Variants in AMPH observed in about 807,000 individuals in gnomAD.
AMPH encodes the protein amphiphysin.
AMPH carries 49 observed loss-of-function variants against 99.1 expected under a neutral mutation model. That is an observed-to-expected ratio of 0.49 (90% CI 0.39 to 0.63). The LOEUF (loss-of-function observed/expected upper bound fraction) is 0.63, where lower values mean the gene tolerates loss of function less well. Ranked by LOEUF, AMPH falls within the 20% of genes least tolerant of loss-of-function variation. The pLI, the probability that AMPH is intolerant of heterozygous loss-of-function variation, is 0.00. For synonymous variants in AMPH, 314 were observed against 317.3 expected, an observed-to-expected ratio of 0.99 and a Z score of 0.11; for missense variants, 759 against 863.4, an observed-to-expected ratio of 0.88 and a Z score of 1.52.
Position 38,466,182 on chromosome 7 carries a change from TTCC to T in AMPH, c.654_656del (p.Glu219del). ...TATCGTCATGACTCACCACCGCAAT[TTCC>T]TTATGAAACTTGGCTTCAAGGCTGG... On this transcript the variant is annotated inframe_deletion, in exon 8 of 21. Coordinates refer to ENST00000356264, the MANE Select transcript of AMPH (RefSeq NM_001635.4). The T allele has an allele frequency of 6.2e-7, 1 of 1,602,956 alleles. No individual in the cohort carries two copies. Among genetic ancestry groups the T allele is most frequent in the South Asian group, 1.1e-5 (1 of 88,290 alleles).
intron 19 of AMPH, 78 bp from the exon 20 acceptor site, chr7:38,389,983 C>G (rs34824107): frequency 0.1 from 116,146 of 1,132,256 alleles, 6,622 homozygotes; most frequent in Middle Eastern, 0.14. Flanking sequence ...CACTCTCCAA[C>G]CTGGATGAAA....
intron 4 of AMPH, among the ~76,000 whole-genome samples, chr7:38,493,765 GGGA>G (rs1788816660): frequency 1.3e-5 from 2 of 152,144 alleles, no homozygotes; most frequent in South Asian, 4.1e-4. Context: ...CCTGCATTTG[GGGA>G]GGCATAGTCA....
Position 38,417,260 on chromosome 7 carries a change from G to A in AMPH, c.1398+565C>T, listed in dbSNP as rs530952980. On this transcript the variant is annotated intron_variant, in intron 17 of 20. Coordinates refer to ENST00000356264, the MANE Select transcript of AMPH (RefSeq NM_001635.4). ...AGAGCAGGTTTCCAGGCAGACAAATGGATCCCCATCCCAGCACAAAAACAA... is the reference window on the plus strand; with the variant it reads ...AGAGCAGGTTTCCAGGCAGACAAATAGATCCCCATCCCAGCACAAAAACAA... Among the ~76,000 whole-genome samples the A allele has an allele frequency of 2.0e-5, 3 of 152,142 alleles. No individual in the cohort carries two copies. The East Asian group carries it at 5.8e-4, about 29-fold the overall frequency.
intron 1 of AMPH, among the ~76,000 whole-genome samples, chr7:38,578,231 A>G (rs1792317552): frequency 6.6e-6 from 1 of 152,230 alleles, no homozygotes; most frequent in Non-Finnish European, 1.5e-5. Context: ...CTGAACAGGC[A>G]GTAAGAAGAA....
chr7:38,571,184 AAT>A (rs1299242101), intron 1 of AMPH, among the ~76,000 whole-genome samples: 7 of 94,242 alleles, frequency 7.4e-5, no homozygotes, highest in Admixed American at 3.4e-4. Context: ...TTTATATATG[AAT>A]ATATATATTT....
At chr7:38,623,159 T>C (rs1028658480) in intron 1 of AMPH, among the ~76,000 whole-genome samples, 1 of 152,190 alleles carries the variant, frequency 6.6e-6, no homozygotes, top group Non-Finnish European at 1.5e-5. Flanking sequence ...AATCATTTAA[T>C]TCGAATATTT....
At chr7:38,614,964 C>T (rs895532911) in intron 1 of AMPH, among the ~76,000 whole-genome samples, 3 of 152,176 alleles carry the variant, frequency 2.0e-5, no homozygotes, top group East Asian at 3.9e-4. Context: ...TATAATGACA[C>T]GTAAAGCAAT....
intron 14 of AMPH, chr7:38,429,314 C>CT (rs1785909147): frequency 7.8e-7 from 1 of 1,288,072 alleles, no homozygotes; most frequent in Non-Finnish European, 1.0e-6. Flanking sequence ...CATGCTCACT[C>CT]TCTTCAGCTA....
chr7:38,557,118 CAAGGGA>C (rs1481110515), intron 1 of AMPH, among the ~76,000 whole-genome samples: 2 of 152,036 alleles, frequency 1.3e-5, no homozygotes, highest in African/African-American at 2.4e-5. Flanking sequence ...GGGTGGGAAA[CAAGGGA>C]AGCATGGGAC....
At chr7:38,577,630 T>G (rs56310594) in intron 1 of AMPH, among the ~76,000 whole-genome samples, 46,946 of 147,376 alleles carry the variant, frequency 0.32, 7,484 homozygotes, top group Middle Eastern at 0.35. Flanking sequence ...GAACAAATAA[T>G]AGGGAGGTGG....
intron 1 of AMPH, among the ~76,000 whole-genome samples, chr7:38,535,659 C>A (rs2129040772): frequency 6.6e-6 from 1 of 152,242 alleles, no homozygotes; most frequent in South Asian, 2.1e-4. Flanking sequence ...TGTTTTCTTG[C>A]AACTAAATGG....
intron 1 of AMPH, among the ~76,000 whole-genome samples, chr7:38,572,861 G>A (rs1313797240): frequency 1.6e-4 from 25 of 152,108 alleles, no homozygotes; most frequent in Admixed American, 1.6e-3. Context: ...CCAACACAGA[G>A]GGCAGAGGAA....
intron 17 of AMPH, among the ~76,000 whole-genome samples, chr7:38,394,446 G>C (rs1784606398): frequency 6.6e-6 from 1 of 152,232 alleles, no homozygotes; most frequent in Non-Finnish European, 1.5e-5. Flanking sequence ...CTGCTGTCAG[G>C]TGTAGCAAAT....
intron 7 of AMPH, among the ~76,000 whole-genome samples, chr7:38,469,684 C>G (rs758291064): frequency 2.0e-5 from 3 of 152,158 alleles, no homozygotes; most frequent in Non-Finnish European, 4.4e-5. Context: ...ACTCCTCAAC[C>G]CCAACCACAA....
chr7:38,444,980 C>CATATATATCCATATATATAT lies in AMPH; in HGVS notation c.1018-8593_1018-8592insATATATATATGGATATATAT, dbSNP rs1423731934. 1.2e-3 allele frequency among the ~76,000 whole-genome samples: 25 copies of CATATATATCCATATATATAT among 21,274 alleles called. 1 individual carries two copies. Among genetic ancestry groups the CATATATATCCATATATATAT allele is most frequent in the East Asian group, 8.5e-3 (6 of 702 alleles). 14.0% of individuals were successfully genotyped at this position (21,274 alleles called of 152,430 possible). ...TAATCACATGGTCCAGAAATATATC[C>CATATATATCCATATATATAT]ATATATATACATATATATATATATA... is the stretch of plus-strand genomic sequence containing the variant. On this transcript the variant is annotated intron_variant, in intron 11 of 20. Coordinates refer to ENST00000356264, the MANE Select transcript of AMPH (RefSeq NM_001635.4).
intron 1 of AMPH, among the ~76,000 whole-genome samples, chr7:38,628,125 T>C (rs948570818): frequency 3.3e-5 from 5 of 151,642 alleles, no homozygotes; most frequent in Admixed American, 1.3e-4. Context: ...CAAGACAGAA[T>C]TGCTACAGAA....
At chr7:38,410,814 T>C (rs1049824209) in intron 17 of AMPH, among the ~76,000 whole-genome samples, 1 of 152,120 alleles carries the variant, frequency 6.6e-6, no homozygotes, top group African/African-American at 2.4e-5. Context: ...AAGTGGAGGA[T>C]TAGGACACAC....
intron 1 of AMPH, among the ~76,000 whole-genome samples, chr7:38,612,585 T>C (rs1261764831): frequency 6.6e-6 from 1 of 152,112 alleles, no homozygotes; most frequent in African/African-American, 2.4e-5. Flanking sequence ...AGAGAGGAAA[T>C]GTCTTTCTAT....
At chr7:38,417,715 G>C in intron 17 of AMPH, 110 bp downstream of exon 17, 1 of 1,398,066 alleles carries the variant, frequency 7.2e-7, no homozygotes, top group Admixed American at 2.0e-5. Context: ...GACAGATATG[G>C]AGCATGTTTG....
Sources: allele counts gnomAD v4.1 joint callset (sites outside exome capture counted in the v4.1 genomes callset), GRCh38; gene constraint gnomAD v4.1.1; transcripts MANE v1.5; gene names NCBI Gene and HGNC (gene_info 2026-07-23, HGNC 2026-07-21).